Variants in MTREX observed in about 807,000 individuals in gnomAD.
MTREX encodes exosome RNA helicase MTR4.
Under a neutral mutation model 135.4 loss-of-function variants are expected in MTREX, and 76 were observed. The ratio of observed to expected loss-of-function variants is 0.56; its 90% CI spans 0.47 to 0.68. The LOEUF is 0.68. MTREX is among the 30% of genes least tolerant of loss of function. The probability of loss-of-function intolerance (pLI) is 0.00; values close to 1 mark genes in which losing one functional copy is unlikely to be tolerated. For missense variants in MTREX, 920 were observed against 1,262.1 expected, an observed-to-expected ratio of 0.73 and a Z score of 4.11; for synonymous variants, 404 against 401.6, an observed-to-expected ratio of 1.01 and a Z score of -0.07.
At chr5:55,346,917 A>G (rs1749748922) in intron 10 of MTREX, 96 bp from the exon 11 acceptor site, 7 of 999,030 alleles carry the variant, frequency 7.0e-6, no homozygotes, top group East Asian at 5.9e-5. Context: ...ATTTATTCCT[A>G]TATTTTCTCT....
At chr5:55,415,425 A>G (rs1380685269) in intron 24 of MTREX, among the ~76,000 whole-genome samples, 2 of 152,316 alleles carry the variant, frequency 1.3e-5, no homozygotes, top group Admixed American at 6.5e-5. Flanking sequence ...TCAGTGGAAC[A>G]TGTAACATGC....
intron 4 of MTREX, 29 bp downstream of exon 4, chr5:55,327,807 T>G: frequency 6.7e-7 from 1 of 1,497,810 alleles, no homozygotes; most frequent in East Asian, 2.3e-5. Flanking sequence ...ACAGTTTATA[T>G]AGTTTCGTGA....
intron 24 of MTREX, among the ~76,000 whole-genome samples, chr5:55,415,573 A>C (rs1049033702): frequency 3.3e-5 from 5 of 152,202 alleles, no homozygotes; most frequent in Non-Finnish European, 4.4e-5. Flanking sequence ...AGATATGTAC[A>C]TTTTTAAGCA....
At chr5:55,338,786 CTT>C (rs67612518) in intron 5 of MTREX, among the ~76,000 whole-genome samples, 2 of 92,256 alleles carry the variant, frequency 2.2e-5, no homozygotes, top group African/African-American at 4.6e-5. Context: ...CTTTCTTTTT[CTT>C]TTTTTTTTTT....
intron 3 of MTREX, among the ~76,000 whole-genome samples, chr5:55,325,913 G>A (rs902618909): frequency 1.3e-5 from 2 of 152,090 alleles, no homozygotes. Context: ...CAGGATGATG[G>A]CCTCCAGCTG....
At chr5:55,400,654 T>A (rs1262082745) in intron 21 of MTREX, among the ~76,000 whole-genome samples, 1 of 152,232 alleles carries the variant, frequency 6.6e-6, no homozygotes, top group Non-Finnish European at 1.5e-5. Context: ...TCTTCTTTTT[T>A]AAATTTGAGA....
intron 18 of MTREX, among the ~76,000 whole-genome samples, chr5:55,382,724 C>T (rs2112103578): frequency 6.6e-6 from 1 of 152,236 alleles, no homozygotes; most frequent in South Asian, 2.1e-4. Context: ...CCTCCGCCTC[C>T]CAGGTTCAAG....
intron 19 of MTREX, among the ~76,000 whole-genome samples, chr5:55,395,980 A>C (rs1472343037): frequency 6.6e-6 from 1 of 152,224 alleles, no homozygotes; most frequent in Admixed American, 6.5e-5. Context: ...CTTAATATGG[A>C]CTACAGATTA....
chr5:55,390,758 G>A (rs868336915), intron 19 of MTREX, among the ~76,000 whole-genome samples: 8 of 152,156 alleles, frequency 5.3e-5, no homozygotes, highest in Middle Eastern at 6.8e-3. Context: ...ATCTATAAAA[G>A]GACATGGAAT....
chr5:55,389,666 A>G (rs1042760422), intron 19 of MTREX, among the ~76,000 whole-genome samples: 1 of 152,188 alleles, frequency 6.6e-6, no homozygotes, highest in Non-Finnish European at 1.5e-5. Flanking sequence ...GTACCTTTAC[A>G]GACAAGAATT....
chr5:55,341,797 C>A, intron 7 of MTREX, 26 bp downstream of exon 7: 1 of 1,080,968 alleles, frequency 9.3e-7, no homozygotes, highest in South Asian at 1.6e-5. Flanking sequence ...AAATGTATAT[C>A]ATGTATTTCC....
intron 12 of MTREX, among the ~76,000 whole-genome samples, chr5:55,350,436 T>G (rs1347592651): frequency 6.6e-6 from 1 of 152,228 alleles, no homozygotes; most frequent in Non-Finnish European, 1.5e-5. Flanking sequence ...TTATACATCT[T>G]TGTTATAGCG....
intron 15 of MTREX, among the ~76,000 whole-genome samples, chr5:55,365,275 A>T (rs754227545): frequency 3.0e-4 from 45 of 152,310 alleles, no homozygotes; most frequent in Non-Finnish European, 5.6e-4. Context: ...TTTCTCCAAG[A>T]ATCTAGTTTT....
At chr5:55,333,411 TA>T (rs1749506819) in intron 5 of MTREX, among the ~76,000 whole-genome samples, 1 of 152,188 alleles carries the variant, frequency 6.6e-6, no homozygotes, top group Non-Finnish European at 1.5e-5. Flanking sequence ...TTAGTTCAAT[TA>T]TTTTTTTCAC....
Position 55,407,930 on chromosome 5 carries a change from TA to T in MTREX, c.2645+2344del, listed in dbSNP as rs1241012430. Among the ~76,000 whole-genome samples the T allele has an allele frequency of 8.5e-5, 13 of 152,194 alleles. No homozygotes were observed. In the South Asian group the frequency reaches 1.9e-3, roughly 22 times the overall value. On this transcript the variant is annotated intron_variant, in intron 22 of 26. Coordinates refer to ENST00000230640, the MANE Select transcript of MTREX (RefSeq NM_015360.5). The stretch of plus-strand genomic sequence containing the variant: ...CATCAAGCCTGGCTAATTTCTTTTT[TA>T]AGTTTCTGTAGAGATAGGGTCTTGC...
intron 3 of MTREX, among the ~76,000 whole-genome samples, chr5:55,325,475 G>A (rs539793340): frequency 5.7e-4 from 87 of 151,534 alleles, no homozygotes; most frequent in African/African-American, 2.1e-3. Flanking sequence ...GGGATTACAG[G>A]TGCGTGCCAC....
At chr5:55,346,548 A>C (rs564124569) in intron 10 of MTREX, among the ~76,000 whole-genome samples, 4 of 152,314 alleles carry the variant, frequency 2.6e-5, no homozygotes, top group African/African-American at 9.6e-5. Context: ...GTGAAGTGGT[A>C]TCTTAATGTG....
intron 20 of MTREX, among the ~76,000 whole-genome samples, chr5:55,399,305 C>T (rs1750688170): frequency 6.6e-6 from 1 of 152,106 alleles, no homozygotes; most frequent in Admixed American, 6.6e-5. Flanking sequence ...TTCTCCTCCC[C>T]AATTCCCAGT....
chr5:55,343,415 C>G lies in MTREX; in HGVS notation c.866C>G (p.Ala289Gly). The change falls in exon 8 of 27, where the codon GCC becomes GGC. Residue 289 changes from alanine to glycine, a missense_variant. By Grantham distance (60) the Ala-to-Gly change is moderately conservative. Coordinates refer to ENST00000230640, the MANE Select transcript of MTREX (RefSeq NM_015360.5). ...TTTCTTTCGGCTACTATTCCAAATG[C>G]CCGACAGTTTGCTGAATGGATTTGC... ...YVFLSATIPNARQFAEWICHL... is the reference protein window; with the variant it reads ...YVFLSATIPNGRQFAEWICHL... 6.2e-7 allele frequency: 1 copy of G among 1,613,356 alleles called. No homozygotes were observed. Among genetic ancestry groups the G allele is most frequent in the Non-Finnish European group, 8.5e-7 (1 of 1,179,688 alleles).
Sources: allele counts gnomAD v4.1 joint callset (sites outside exome capture counted in the v4.1 genomes callset), GRCh38; gene constraint gnomAD v4.1.1; transcripts MANE v1.5; gene names NCBI Gene and HGNC (gene_info 2026-07-23, HGNC 2026-07-21).